Variants in UNC13B observed in about 807,000 individuals in gnomAD.
UNC13B encodes the protein protein unc-13 homolog B.
In UNC13B, 144 loss-of-function variants were observed where a neutral mutation model predicts 211.0. The observed-to-expected ratio is 0.68, with a 90% CI of 0.60 to 0.78. The LOEUF (loss-of-function observed/expected upper bound fraction) is 0.78. Among genes scored for constraint, UNC13B ranks in the 30% least tolerant of loss-of-function variants. The pLI is 0.00. For missense variants in UNC13B, 1,777 were observed against 2,002.0 expected, an observed-to-expected ratio of 0.89 and a Z score of 2.14; for synonymous variants, 709 against 725.8, an observed-to-expected ratio of 0.98 and a Z score of 0.37.
At chr9:35,313,375 A>G (rs1017704871) in intron 10 of UNC13B, among the ~76,000 whole-genome samples, 2 of 152,206 alleles carry the variant, frequency 1.3e-5, no homozygotes, top group African/African-American at 4.8e-5. Flanking sequence ...CTGTAATCCC[A>G]GCACTTTGGG....
At chr9:35,175,740 G>C (rs542031119) in intron 1 of UNC13B, among the ~76,000 whole-genome samples, 1 of 152,224 alleles carries the variant, frequency 6.6e-6, no homozygotes, top group Admixed American at 6.5e-5. Flanking sequence ...TTAAAGGCCA[G>C]GCGTGGTGGC....
At chr9:35,389,505 A>G (rs79238767) in intron 24 of UNC13B, among the ~76,000 whole-genome samples, 4,979 of 152,258 alleles carry the variant, frequency 0.033, 104 homozygotes, top group Non-Finnish European at 0.044. Context: ...AAGTAGACCT[A>G]TTTAGTAAGG....
intron 1 of UNC13B, among the ~76,000 whole-genome samples, chr9:35,208,766 C>A (rs534251837): frequency 1.3e-5 from 2 of 152,288 alleles, no homozygotes; most frequent in Non-Finnish European, 2.9e-5. Flanking sequence ...TCCCACCAGG[C>A]CCCACCTCCA....
At position 35,398,608 on chromosome 9, in the gene UNC13B, G is replaced by A. The variant is rs41315995; in HGVS notation, c.11887G>A (p.Val3963Ile). The change falls in exon 32 of 40, where the codon GTT becomes ATT. Residue 3963 changes from valine to isoleucine, a missense_variant. Transcript: ENST00000635942. ...LKELQVKLNTVLDELSMVFGN... is the reference protein window; with the variant it reads ...LKELQVKLNTILDELSMVFGN... ...GGAGCTGCAGGTGAAACTGAATACG[G>A]TTCTGGATGAGCTCAGCATGGTGTT... is the stretch of plus-strand genomic sequence containing the variant. 0.017 allele frequency: 26,679 copies of A among 1,614,044 alleles called. 269 individuals are homozygous for A. The highest frequency in any genetic ancestry group is 0.019 in the Non-Finnish European group (22,498 of 1,179,982).
At chr9:35,179,902 C>T (rs1227378012) in intron 1 of UNC13B, among the ~76,000 whole-genome samples, 4 of 152,174 alleles carry the variant, frequency 2.6e-5, no homozygotes, top group Non-Finnish European at 4.4e-5. Flanking sequence ...TTTTTCTTTA[C>T]AGTTCACTTT....
At chr9:35,381,266 C>G in intron 19 of UNC13B, 51 bp downstream of exon 19, 1 of 1,506,180 alleles carries the variant, frequency 6.6e-7, no homozygotes, top group Non-Finnish European at 9.1e-7. Flanking sequence ...CTGGGAGAGG[C>G]CTTTGGCCAT....
chr9:35,189,524 A>G (rs905300714), intron 1 of UNC13B, among the ~76,000 whole-genome samples: 1 of 152,214 alleles, frequency 6.6e-6, no homozygotes, highest in African/African-American at 2.4e-5. Context: ...TTTCTTAAAG[A>G]TTACAGTCAT....
rs1167033053 is a variant in UNC13B at position 35,302,052 on chromosome 9, G to A, written c.2648G>A (p.Ser883Asn). The change falls in exon 9 of 40, where the codon AGC becomes AAC. Residue 883 changes from serine (S) to asparagine (N), a missense_variant. Coordinates refer to ENST00000635942, the MANE Select transcript of UNC13B (RefSeq NM_001371189.2). ...CAACAGGAGTTAAAAGAGAAAGGAA[G>A]CATTTTTCCTTTGTTTAAATTTTCT... ...EKQQELKEKG[S>N]IFPLFKFSFT... 1.8e-5 allele frequency: 7 copies of A among 398,626 alleles called. No individual in the cohort carries two copies. Among genetic ancestry groups the A allele is most frequent in the South Asian group, 1.3e-4 (1 of 7,856 alleles). 24.7% of individuals were successfully genotyped at this position (398,626 alleles called of 1,614,324 possible).
intron 1 of UNC13B, among the ~76,000 whole-genome samples, chr9:35,184,415 G>A (rs1342709520): frequency 1.3e-5 from 2 of 152,194 alleles, no homozygotes. Flanking sequence ...TCCAGCCTGG[G>A]CAACACTGAG....
chr9:35,307,869 A>G lies in UNC13B; in HGVS notation c.8465A>G (p.Glu2822Gly), dbSNP rs988528606. The G allele has an allele frequency of 5.0e-6, 2 of 398,854 alleles. No homozygotes were observed. Among genetic ancestry groups the G allele is most frequent in the African/African-American group, 2.1e-5 (1 of 48,620 alleles). 24.7% of individuals were successfully genotyped at this position (398,854 alleles called of 1,614,324 possible). The change falls in exon 9 of 40, where the codon GAG becomes GGG. Residue 2822 changes from glutamate (E) to glycine (G), a missense_variant. Glu to Gly is a moderately conservative substitution (Grantham distance 98). Transcript: ENST00000635942. ...TCAACTCTATTTGAGGGAAGTAGTG[A>G]GGGGAAAGGGAGTGTATTAGCAAGT... ...KLSTLFEGSS[E>G]GKGSVLASDS...
chr9:35,200,096 G>A (rs1472966621), intron 1 of UNC13B, among the ~76,000 whole-genome samples: 4 of 152,130 alleles, frequency 2.6e-5, no homozygotes, highest in African/African-American at 9.7e-5. Flanking sequence ...ATTAAATAGG[G>A]AATCCTTTTC....
At chr9:35,273,363 C>T (rs1277611736) in intron 7 of UNC13B, among the ~76,000 whole-genome samples, 1 of 152,166 alleles carries the variant, frequency 6.6e-6, no homozygotes, top group Admixed American at 6.5e-5. Context: ...CTCTTACTGT[C>T]AAATGTCCTG....
At chr9:35,397,360 A>C in intron 29 of UNC13B, 50 bp downstream of exon 29, 1 of 1,603,602 alleles carries the variant, frequency 6.2e-7, no homozygotes, top group Non-Finnish European at 8.5e-7. Flanking sequence ...CCACACTCAC[A>C]GTCTCATCAC....
chr9:35,184,848 GAAAA>G (rs1441864873), intron 1 of UNC13B, among the ~76,000 whole-genome samples: 1 of 93,906 alleles, frequency 1.1e-5, no homozygotes. Context: ...AAGAAAGAAA[GAAAA>G]GAAAGAAAGA....
At chr9:35,198,878 T>C (rs1823099441) in intron 1 of UNC13B, among the ~76,000 whole-genome samples, 1 of 152,200 alleles carries the variant, frequency 6.6e-6, no homozygotes. Flanking sequence ...ATTATTATTA[T>C]ACTTTAAGTT....
At chr9:35,327,465 C>A (rs1432452678) in intron 11 of UNC13B, among the ~76,000 whole-genome samples, 1 of 152,140 alleles carries the variant, frequency 6.6e-6, no homozygotes, top group East Asian at 1.9e-4. Flanking sequence ...TCCCAAATAA[C>A]CTGTTCAAGG....
At chr9:35,367,046 C>T (rs1367329345) in intron 12 of UNC13B, 53 bp downstream of exon 12, 1 of 1,540,092 alleles carries the variant, frequency 6.5e-7, no homozygotes, top group South Asian at 1.1e-5. Context: ...TCTCTTGATG[C>T]TTTTAGCTTT....
Position 35,302,710 on chromosome 9 carries a change from A to G in UNC13B, c.3306A>G (p.Ile1102Met). 2.5e-6 allele frequency: 1 copy of G among 398,680 alleles called. No individual in the cohort carries two copies. Among genetic ancestry groups the G allele is most frequent in the Non-Finnish European group, 4.4e-6 (1 of 225,764 alleles). The allele number at this position is 398,680 out of a possible 1,614,324, so 24.7% of individuals were successfully genotyped here. Residue 1102 changes from isoleucine to methionine, a missense_variant, in exon 9 of 40, where the codon ATA (isoleucine) becomes ATG (methionine). By Grantham distance (10) the Ile-to-Met change is conservative. Coordinates refer to ENST00000635942, the MANE Select transcript of UNC13B (RefSeq NM_001371189.2). The stretch of plus-strand genomic sequence containing the variant: ...CTTTAGGAGAAGATAAGAATCTTAT[A>G]CAAGCAGCATCTTCAGTAGCATCAG... ...SDPLGEDKNL[I>M]QAASSVASDS...
intron 11 of UNC13B, chr9:35,342,268 C>T (rs1832049201): frequency 2.0e-6 from 2 of 985,574 alleles, no homozygotes; most frequent in Non-Finnish European, 2.4e-6. Context: ...CAGCATTTGC[C>T]TTCTAAAACT....
Sources: gnomAD v4.1 joint callset for allele counts (sites outside exome capture counted in the v4.1 genomes callset) on GRCh38, gnomAD v4.1.1 for gene constraint, MANE v1.5 for transcripts, NCBI Gene and HGNC (gene_info 2026-07-23, HGNC 2026-07-21) for gene names.